Variants in IKZF3 observed in about 807,000 individuals in gnomAD.
IKZF3 encodes IKAROS family zinc finger 3, also known as zinc finger protein Aiolos.
IKZF3 carries 10 observed loss-of-function variants against 49.0 expected under a neutral mutation model. The observed-to-expected ratio is 0.20, with a 90% CI of 0.13 to 0.35. The LOEUF (loss-of-function observed/expected upper bound fraction) is 0.35, where lower values mean the gene tolerates loss of function less well. Among genes scored for constraint, IKZF3 ranks in the 10% least tolerant of loss-of-function variants. The pLI is 1.00. For missense variants in IKZF3, 498 were observed against 664.8 expected, an observed-to-expected ratio of 0.75 and a Z score of 2.76; for synonymous variants, 209 against 228.2, an observed-to-expected ratio of 0.92 and a Z score of 0.76.
chr17:39,819,447 A>C (rs2061752441), intron 3 of IKZF3, among the ~76,000 whole-genome samples: 1 of 152,156 alleles, frequency 6.6e-6, no homozygotes, highest in Non-Finnish European at 1.5e-5. Context: ...AAGTTGCACG[A>C]AGCTGATACA....
At chr17:39,829,257 T>C (rs997390853) in intron 3 of IKZF3, 130 bp downstream of exon 3, 1 of 604,438 alleles carries the variant, frequency 1.7e-6, no homozygotes, top group Admixed American at 2.8e-5. Context: ...ATTTGTGAAA[T>C]TAACAAAACA....
At chr17:39,788,396 C>T (rs1350980211) in intron 5 of IKZF3, 22 bp from the exon 6 acceptor site, 8 of 1,514,902 alleles carry the variant, frequency 5.3e-6, no homozygotes, top group Non-Finnish European at 7.3e-6. Context: ...ACATAAGGGG[C>T]ACTCAGTGAC....
chr17:39,824,376 C>T (rs2061900474), intron 3 of IKZF3, among the ~76,000 whole-genome samples: 1 of 152,148 alleles, frequency 6.6e-6, no homozygotes, highest in African/African-American at 2.4e-5. Context: ...GCAGAAGGGG[C>T]TTGCCTTGTC....
intron 1 of IKZF3, among the ~76,000 whole-genome samples, chr17:39,858,488 C>T (rs1486660907): frequency 1.3e-5 from 2 of 151,970 alleles, no homozygotes; most frequent in African/African-American, 2.4e-5. Flanking sequence ...TGTTTCATAT[C>T]CATTACCAAG....
At chr17:39,784,881 C>T (rs766527544) in intron 6 of IKZF3, among the ~76,000 whole-genome samples, 5 of 152,188 alleles carry the variant, frequency 3.3e-5, no homozygotes, top group African/African-American at 1.2e-4. Flanking sequence ...GTCTTCACTC[C>T]AAGGCCTTTT....
chr17:39,855,246 A>C (rs2063002995), intron 1 of IKZF3, among the ~76,000 whole-genome samples: 2 of 151,294 alleles, frequency 1.3e-5, no homozygotes, highest in South Asian at 4.1e-4. Flanking sequence ...TTGCAAAAAA[A>C]ACAAGTTTTT....
chr17:39,784,724 T>G (rs1457405494), intron 6 of IKZF3, among the ~76,000 whole-genome samples: 1 of 152,204 alleles, frequency 6.6e-6, no homozygotes, highest in Non-Finnish European at 1.5e-5. Context: ...CCTTAAAGTG[T>G]AGGGGCTTAA....
chr17:39,850,558 C>A (rs1458841132), intron 1 of IKZF3, among the ~76,000 whole-genome samples: 2 of 101,416 alleles, frequency 2.0e-5, no homozygotes, highest in Non-Finnish European at 3.9e-5. Flanking sequence ...GCATATTATA[C>A]ATGTACATAT....
intron 7 of IKZF3, among the ~76,000 whole-genome samples, chr17:39,773,615 CTT>C (rs946186792): frequency 1.1e-4 from 17 of 152,084 alleles, no homozygotes; most frequent in African/African-American, 3.9e-4. Flanking sequence ...ATACATAAAA[CTT>C]TTAAAATAAG....
chr17:39,861,285 A>G (rs1380870570), intron 1 of IKZF3, among the ~76,000 whole-genome samples: 2 of 152,216 alleles, frequency 1.3e-5, no homozygotes, highest in Non-Finnish European at 2.9e-5. Context: ...GCTGAGGTGA[A>G]GGAACATGAG....
chr17:39,810,971 G>A (rs2061538578), intron 3 of IKZF3, among the ~76,000 whole-genome samples: 1 of 152,176 alleles, frequency 6.6e-6, no homozygotes, highest in African/African-American at 2.4e-5. Flanking sequence ...TGGGCATGGT[G>A]GCTTATGCCT....
At chr17:39,835,693 G>T in intron 1 of IKZF3, 1 of 469,190 alleles carries the variant, frequency 2.1e-6, no homozygotes, top group South Asian at 1.6e-5. Context: ...TCCAAGATCT[G>T]GGACTGGAGC....
At position 39,864,293 on chromosome 17, in the gene IKZF3, A is replaced by C. The variant is rs1598257095; in HGVS notation, c.-167T>G. 1 of 690,174 alleles carries C rather than the reference A, an allele frequency of 1.4e-6. No individual in the cohort carries two copies. The allele number at this position is 690,174 out of a possible 1,614,324, so 42.8% of individuals were successfully genotyped here. A position where few individuals can be genotyped will look rare whatever the true frequency, so the allele number is the denominator to read the frequency against. On this transcript the variant is annotated 5_prime_UTR_variant, in exon 1 of 8. Transcript: ENST00000346872. Reference sequence around the variant, plus strand: ...AGACTGAAAAGGGCAGGAGCCGGCGACCTGCCGGTGCGCGGGGTTACAGCG... The same window carrying C: ...AGACTGAAAAGGGCAGGAGCCGGCGCCCTGCCGGTGCGCGGGGTTACAGCG...
intron 1 of IKZF3, chr17:39,836,187 C>A: frequency 1.5e-6 from 1 of 667,150 alleles, no homozygotes. Flanking sequence ...TCAGCAGGCT[C>A]TGGTTGACCA....
intron 6 of IKZF3, among the ~76,000 whole-genome samples, chr17:39,779,640 T>G (rs1479280196): frequency 8.2e-6 from 1 of 121,480 alleles, no homozygotes; most frequent in Non-Finnish European, 1.7e-5. Context: ...CTATGTTATA[T>G]TCTTTGTTTT....
At chr17:39,828,315 T>C (rs1015420870) in intron 3 of IKZF3, among the ~76,000 whole-genome samples, 2 of 152,218 alleles carry the variant, frequency 1.3e-5, no homozygotes, top group Non-Finnish European at 2.9e-5. Flanking sequence ...TGTGTAACCC[T>C]ATCCTGTATG....
intron 3 of IKZF3, among the ~76,000 whole-genome samples, chr17:39,799,329 T>G (rs925995395): frequency 6.6e-6 from 1 of 152,184 alleles, no homozygotes; most frequent in African/African-American, 2.4e-5. Context: ...TTATACTGCA[T>G]CCTATTGCCA....
chr17:39,836,024 C>T (rs752765918), intron 1 of IKZF3: 1 of 640,346 alleles, frequency 1.6e-6, no homozygotes, highest in Non-Finnish European at 2.9e-6. Flanking sequence ...CTGTCTTCTG[C>T]TGCCGCAGGA....
chr17:39,852,082 A>C (rs1273632216), intron 1 of IKZF3, among the ~76,000 whole-genome samples: 1 of 152,136 alleles, frequency 6.6e-6, no homozygotes, highest in Admixed American at 6.5e-5. Context: ...TAATTTCCCA[A>C]ACTTCCCTGC....
Sources: gnomAD v4.1 joint callset for allele counts (sites outside exome capture counted in the v4.1 genomes callset) on GRCh38, gnomAD v4.1.1 for gene constraint, MANE v1.5 for transcripts, NCBI Gene and HGNC (gene_info 2026-07-23, HGNC 2026-07-21) for gene names.